RECK: variants seen among roughly 807,000 people sequenced by gnomAD.
RECK encodes the protein reversion-inducing cysteine-rich protein with Kazal motifs.
A neutral mutation model predicts 115.1 loss-of-function variants in RECK; 69 were observed. That is an observed-to-expected ratio of 0.60 (90% CI 0.49 to 0.73). The LOEUF (loss-of-function observed/expected upper bound fraction) is 0.73, where lower values mean the gene tolerates loss of function less well. Among genes scored for constraint, RECK ranks in the 30% least tolerant of loss-of-function variants. The pLI is 0.00. For missense variants in RECK, 1,047 were observed against 1,203.7 expected (o/e 0.87, Z 1.93); for synonymous variants, 414 against 419.7 (o/e 0.99, Z 0.17).
Position 36,110,097 on chromosome 9 carries a change from G to C in RECK, c.1888+18G>C. Reference sequence around the variant, plus strand: ...CTTCACAGGTGACTGTGATCGCCCAGAGTCTGTCCTCAGGGGCCATCATTT... The same window carrying C: ...CTTCACAGGTGACTGTGATCGCCCACAGTCTGTCCTCAGGGGCCATCATTT... On this transcript the variant is annotated intron_variant, in intron 15 of 20. Transcript: ENST00000377966. The C allele has an allele frequency of 1.3e-6, 2 of 1,588,476 alleles. No homozygotes were observed. The highest frequency in any genetic ancestry group is 1.7e-6 in the Non-Finnish European group (2 of 1,159,228).
intron 1 of RECK, among the ~76,000 whole-genome samples, chr9:36,039,474 C>A (rs984280454): frequency 6.6e-6 from 1 of 152,132 alleles, no homozygotes; most frequent in Non-Finnish European, 1.5e-5. Context: ...GTTATTGACC[C>A]CCTCTATTAT....
intron 1 of RECK, among the ~76,000 whole-genome samples, chr9:36,043,827 G>C (rs1271228038): frequency 6.6e-6 from 1 of 152,098 alleles, no homozygotes; most frequent in Non-Finnish European, 1.5e-5. Context: ...TCAGTTGGCT[G>C]TAAGTATTTT....
At chr9:36,078,467 C>G (rs78729864) in intron 6 of RECK, among the ~76,000 whole-genome samples, 3,872 of 152,242 alleles carry the variant, frequency 0.025, 171 homozygotes, top group African/African-American at 0.087. Flanking sequence ...TAATCTTTTG[C>G]GGGAGGGAGA....
In RECK at chr9:36,104,304, A is replaced by C. The variant is rs1223947690; in HGVS notation, c.1436-839A>C. Among the ~76,000 whole-genome samples, 2 of 54,128 alleles carry C rather than the reference A, an allele frequency of 3.7e-5. 1 individual carries two copies. The highest frequency in any genetic ancestry group is 1.4e-3 in the South Asian group (2 of 1,394). The allele number at this position is 54,128 out of a possible 152,430, so 35.5% of individuals were successfully genotyped here. A position where few individuals can be genotyped will look rare whatever the true frequency, so the allele number is the denominator to read the frequency against. On this transcript the variant is annotated intron_variant, in intron 12 of 20. Transcript: ENST00000377966. Reference sequence around the variant, plus strand: ...TGTGTGTGTGTGTGTATATATATATATATATATATATATATATATATATTT... The same window carrying C: ...TGTGTGTGTGTGTGTATATATATATCTATATATATATATATATATATATTT...
chr9:36,098,411 A>G (rs1430575704), intron 10 of RECK, among the ~76,000 whole-genome samples: 1 of 152,218 alleles, frequency 6.6e-6, no homozygotes, highest in Non-Finnish European at 1.5e-5. Flanking sequence ...GTCATGGCAA[A>G]ATACAAATTA....
chr9:36,039,488 A>G (rs2132541422), intron 1 of RECK, among the ~76,000 whole-genome samples: 1 of 152,324 alleles, frequency 6.6e-6, no homozygotes, highest in Non-Finnish European at 1.5e-5. Context: ...CTATTATACA[A>G]CTTTGCAAAT....
chr9:36,062,861 G>A (rs566945328), intron 4 of RECK, among the ~76,000 whole-genome samples: 17 of 152,088 alleles, frequency 1.1e-4, no homozygotes, highest in African/African-American at 3.6e-4. Flanking sequence ...AAGCCCGGGC[G>A]TGGTCGCTTA....
chr9:36,081,749 G>A (rs771513088), intron 7 of RECK, among the ~76,000 whole-genome samples: 1 of 151,090 alleles, frequency 6.6e-6, no homozygotes, highest in Non-Finnish European at 1.5e-5. Flanking sequence ...CAGGAGAATC[G>A]CTTGAACCCA....
intron 15 of RECK, among the ~76,000 whole-genome samples, chr9:36,111,484 C>A (rs1173376573): frequency 6.6e-6 from 1 of 152,176 alleles, no homozygotes; most frequent in African/African-American, 2.4e-5. Context: ...AACTCCGCCT[C>A]CTGGGATCAA....
intron 1 of RECK, 26 bp from the exon 2 acceptor site, chr9:36,052,239 A>T: frequency 6.7e-7 from 1 of 1,492,624 alleles, no homozygotes; most frequent in East Asian, 2.3e-5. Context: ...GTGGAACAAC[A>T]TTTGATGTTT....
intron 4 of RECK, among the ~76,000 whole-genome samples, chr9:36,061,393 TACACACACACACACAC>T (rs58265948): frequency 0.015 from 1,902 of 129,112 alleles, 19 homozygotes; most frequent in African/African-American, 0.045. Flanking sequence ...TGTAATTTTC[TACACACACACACACAC>T]ACACACACAC....
chr9:36,069,499 A>AG (rs1822145105), intron 6 of RECK, among the ~76,000 whole-genome samples: 2 of 149,602 alleles, frequency 1.3e-5, no homozygotes, highest in Non-Finnish European at 3.0e-5. Context: ...AAAAAAAAAA[A>AG]GAAGAGCAAG....
intron 1 of RECK, among the ~76,000 whole-genome samples, chr9:36,042,423 A>AGTGTGTGTGTGTGTGT (rs35193636): frequency 6.2e-5 from 9 of 144,364 alleles, no homozygotes; most frequent in Non-Finnish European, 9.1e-5. Flanking sequence ...AGTATTCCAT[A>AGTGTGTGTGTGTGTGT]GTGTGTGTGT....
rs759570908 is a variant in RECK at position 36,100,503 on chromosome 9, A to C, written c.1258A>C (p.Lys420Gln). 3.1e-6 allele frequency: 5 copies of C among 1,614,108 alleles called. No homozygotes were observed. In the South Asian group the frequency reaches 4.4e-5, roughly 14 times the overall value. The part of the protein sequence containing the change: ...WKAIACSLQI[K>Q]PCHSKSRGSI... ...AGCAATAGCTTGTTCACTGCAGATT[A>C]AACCTTGTCATAGTAAATCTCGGGG... The change falls in exon 11 of 21, where the codon AAA (lysine) becomes CAA (glutamine). Residue 420 changes from lysine (K) to glutamine (Q), a missense_variant. Coordinates refer to ENST00000377966, the MANE Select transcript of RECK (RefSeq NM_021111.3).
At chr9:36,101,912 G>A (rs904495688) in intron 11 of RECK, among the ~76,000 whole-genome samples, 182 bp from the exon 12 acceptor site, 2 of 152,206 alleles carry the variant, frequency 1.3e-5, no homozygotes, top group Non-Finnish European at 2.9e-5. Context: ...TCAGACAACA[G>A]AAAGTTAGGG....
intron 17 of RECK, among the ~76,000 whole-genome samples, chr9:36,118,327 A>G (rs1188965461): frequency 6.6e-6 from 1 of 151,946 alleles, no homozygotes; most frequent in African/African-American, 2.4e-5. Flanking sequence ...TGTCTACCCC[A>G]CTGCTCCCCC....
At chr9:36,120,627 A>G (rs1193275657) in intron 18 of RECK, 36 bp from the exon 19 acceptor site, 2 of 1,495,144 alleles carry the variant, frequency 1.3e-6, no homozygotes, top group East Asian at 4.5e-5. Flanking sequence ...TTTGTTTCTA[A>G]TTCTGAACGC....
chr9:36,112,528 G>C, intron 16 of RECK, 52 bp downstream of exon 16: 1 of 1,551,106 alleles, frequency 6.4e-7, no homozygotes, highest in Non-Finnish European at 8.9e-7. Flanking sequence ...TACTTACAAA[G>C]CATCTACCAT....
intron 6 of RECK, chr9:36,066,949 T>C: frequency 1.0e-6 from 1 of 962,668 alleles, no homozygotes; most frequent in South Asian, 1.4e-5. Flanking sequence ...TAATTTGGCC[T>C]AGAATTAAGC....
Sources: gnomAD v4.1 joint callset for allele counts (sites outside exome capture counted in the v4.1 genomes callset) on GRCh38, gnomAD v4.1.1 for gene constraint, MANE v1.5 for transcripts, NCBI Gene and HGNC (gene_info 2026-07-23, HGNC 2026-07-21) for gene names.